The following PBRM1 variants were observed in gnomAD, a reference collection of about 807,000 sequenced individuals.
PBRM1 encodes the protein protein polybromo-1.
In PBRM1, 27 loss-of-function variants were observed where a neutral mutation model predicts 194.5. The ratio of observed to expected loss-of-function variants is 0.14; its 90% CI spans 0.10 to 0.19. The LOEUF is 0.19. PBRM1 is among the 10% of genes least tolerant of loss of function. The pLI, the probability that PBRM1 is intolerant of heterozygous loss-of-function variation, is 1.00. For synonymous variants in PBRM1, 655 were observed against 693.2 expected (o/e 0.94, Z 0.87); for missense variants, 1,466 against 2,077.2 (o/e 0.71, Z 5.72).
chr3:52,669,539 A>T (rs1479170770), intron 2 of PBRM1, among the ~76,000 whole-genome samples: 1 of 152,120 alleles, frequency 6.6e-6, no homozygotes, highest in Admixed American at 6.5e-5. Flanking sequence ...CTATTTTCTC[A>T]ATTCTCCCAC....
chr3:52,587,037 C>T (rs886203015), intron 19 of PBRM1, among the ~76,000 whole-genome samples: 7 of 151,918 alleles, frequency 4.6e-5, no homozygotes, highest in African/African-American at 1.7e-4. Flanking sequence ...CACAAAAGCA[C>T]ACATTATTAC....
rs1553892218 is a variant in PBRM1 at position 52,674,643 on chromosome 3, A to ATAT, written c.236+3856_236+3857insATA. ...TGTCTCTACCAAAAAAAAAAAAAAAAATATATATATATATATATATATACA... is the reference window on the plus strand; with the variant it reads ...TGTCTCTACCAAAAAAAAAAAAAAAATATATATATATATATATATATATATACA... On this transcript the variant is annotated intron_variant, in intron 2 of 29. Coordinates refer to ENST00000296302, the Ensembl canonical transcript of PBRM1. 2.8e-3 allele frequency among the ~76,000 whole-genome samples: 203 copies of ATAT among 72,346 alleles called. 1 individual carries two copies. Among genetic ancestry groups the ATAT allele is most frequent in the Non-Finnish European group, 4.3e-3 (140 of 32,422 alleles). 47.5% of individuals were successfully genotyped at this position (72,346 alleles called of 152,430 possible). A position where few individuals can be genotyped will look rare whatever the true frequency, so the allele number is the denominator to read the frequency against.
chr3:52,667,048 G>A (rs879137277), intron 3 of PBRM1, among the ~76,000 whole-genome samples: 5 of 152,144 alleles, frequency 3.3e-5, no homozygotes, highest in Admixed American at 3.3e-4. Flanking sequence ...CAAACGCAGA[G>A]AGAATAGTGT....
intron 22 of PBRM1, among the ~76,000 whole-genome samples, chr3:52,575,025 C>T (rs929958385): frequency 3.9e-5 from 6 of 152,212 alleles, no homozygotes; most frequent in Admixed American, 3.9e-4. Flanking sequence ...CCTCAGCCTC[C>T]TGAGTAGCTG....
chr3:52,599,707 G>A (rs914277027), intron 17 of PBRM1, among the ~76,000 whole-genome samples: 2 of 151,290 alleles, frequency 1.3e-5, no homozygotes, highest in African/African-American at 4.9e-5. Flanking sequence ...GGGCGCGCCT[G>A]TAATCCCAAC....
At chr3:52,642,608 C>CAAA (rs201394004) in intron 9 of PBRM1, among the ~76,000 whole-genome samples, 2 of 97,504 alleles carry the variant, frequency 2.1e-5, no homozygotes, top group Non-Finnish European at 4.5e-5. Context: ...AACTTCGTCT[C>CAAA]AAAAAAAAAA....
At chr3:52,619,930 T>C (rs2095191927) in intron 13 of PBRM1, among the ~76,000 whole-genome samples, 1 of 152,236 alleles carries the variant, frequency 6.6e-6, no homozygotes, top group South Asian at 2.1e-4. Flanking sequence ...TCATAACTTG[T>C]GTCTTCACTC....
chr3:52,576,923 A>T (rs1267695622), intron 21 of PBRM1, among the ~76,000 whole-genome samples: 3 of 152,318 alleles, frequency 2.0e-5, no homozygotes, highest in South Asian at 2.1e-4. Flanking sequence ...AGTGAAAAAA[A>T]TTTTTTAACT....
intron 11 of PBRM1, among the ~76,000 whole-genome samples, chr3:52,631,887 C>T (rs1410133711): frequency 6.6e-6 from 1 of 152,112 alleles, no homozygotes; most frequent in Non-Finnish European, 1.5e-5. Flanking sequence ...TCAAAATTCA[C>T]AGAGACTGAT....
At chr3:52,644,756 T>C (rs1456829704) in exon 8 of PBRM1, 9 of 1,541,696 alleles carry the variant, frequency 5.8e-6, no homozygotes, top group Non-Finnish European at 7.2e-6. Flanking sequence ...TCAGCCTTTT[T>C]CATATAAAAT....
intron 10 of PBRM1, among the ~76,000 whole-genome samples, chr3:52,635,567 A>G (rs1182404318): frequency 6.6e-6 from 1 of 152,134 alleles, no homozygotes; most frequent in African/African-American, 2.4e-5. Context: ...CTCCATCTCA[A>G]AAACAAATAC....
At chr3:52,593,144 C>G (rs1304263834) in intron 17 of PBRM1, among the ~76,000 whole-genome samples, 18 of 152,164 alleles carry the variant, frequency 1.2e-4, no homozygotes, top group Non-Finnish European at 4.4e-5. Flanking sequence ...CTGTCTCAGT[C>G]TCCTTCAGTT....
chr3:52,658,010 C>G (rs1224701772), intron 5 of PBRM1, among the ~76,000 whole-genome samples, 189 bp downstream of exon 6: 1 of 151,778 alleles, frequency 6.6e-6, no homozygotes, highest in Non-Finnish European at 1.5e-5. Context: ...TCGGGATGGT[C>G]TCGAACTCCC....
chr3:52,644,614 A>T, intron 8 of PBRM1, 90 bp downstream of exon 9: 6 of 549,682 alleles, frequency 1.1e-5, no homozygotes, highest in South Asian at 6.4e-5. Flanking sequence ...CGATCTCTTG[A>T]CCTCGTGATC....
upstream of PBRM1, among the ~76,000 whole-genome samples, chr3:52,684,167 C>A (rs1312158819): frequency 3.2e-4 from 24 of 75,714 alleles, no homozygotes; most frequent in African/African-American, 5.0e-4. Flanking sequence ...GACCTTGTCT[C>A]AAAAAAAAAA....
At chr3:52,556,929 T>G (rs1036690280) in intron 26 of PBRM1, among the ~76,000 whole-genome samples, 9 of 108,086 alleles carry the variant, frequency 8.3e-5, no homozygotes, top group African/African-American at 1.8e-4. Flanking sequence ...GCAGCTGCTG[T>G]TTTTTTTTTT....
intron 2 of PBRM1, among the ~76,000 whole-genome samples, chr3:52,669,123 T>C (rs1352255385): frequency 6.6e-6 from 1 of 152,184 alleles, no homozygotes; most frequent in Non-Finnish European, 1.5e-5. Flanking sequence ...CTATCATAAA[T>C]GCTGCTACAA....
exon 30 of PBRM1, chr3:52,548,035 T>G: frequency 1.3e-6 from 2 of 1,589,834 alleles, no homozygotes; most frequent in Non-Finnish European, 1.7e-6. Flanking sequence ...TCTTTATGCT[T>G]CTATATAAAA....
At chr3:52,622,390 A>G (rs1350654967) in intron 13 of PBRM1, among the ~76,000 whole-genome samples, 4 of 152,216 alleles carry the variant, frequency 2.6e-5, no homozygotes, top group African/African-American at 9.6e-5. Flanking sequence ...ACAACAATTC[A>G]GATCATAGAT....
Sources: allele counts gnomAD v4.1 joint callset (sites outside exome capture counted in the v4.1 genomes callset), GRCh38; gene constraint gnomAD v4.1.1; transcripts MANE v1.5; gene names NCBI Gene and HGNC (gene_info 2026-07-23, HGNC 2026-07-21).